Variants in OPN3 observed in about 807,000 individuals in gnomAD.
OPN3 encodes opsin-3.
A neutral mutation model predicts 33.8 loss-of-function variants in OPN3; 29 were observed. The observed-to-expected ratio is 0.86, with a 90% confidence interval of 0.64 to 1.17. The LOEUF (loss-of-function observed/expected upper bound fraction) is 1.17. Ranked by LOEUF, OPN3 falls within the 50% of genes most tolerant of loss-of-function variation. The probability of loss-of-function intolerance (pLI) is 0.00; values close to 1 mark genes in which losing one functional copy is unlikely to be tolerated. For missense variants in OPN3, 437 were observed against 514.1 expected (o/e 0.85, Z 1.45); for synonymous variants, 216 against 216.1 (o/e 1.00, Z 0.00).
At chr1:241,598,695 G>C (rs984128910) in intron 2 of OPN3, among the ~76,000 whole-genome samples, 1 of 152,150 alleles carries the variant, frequency 6.6e-6, no homozygotes, top group Non-Finnish European at 1.5e-5. Context: ...CAGCCTGAAA[G>C]TTCTTTGAGT....
intron 1 of OPN3, chr1:241,628,997 T>TC (rs1378104100): frequency 6.6e-6 from 1 of 152,668 alleles, no homozygotes; most frequent in African/African-American, 2.4e-5. Context: ...TTTTCACATG[T>TC]ATCAGTAAAC....
In OPN3 at chr1:241,640,147, G is replaced by A; in HGVS notation, c.108C>T (p.Phe36=). ...PAGTLSPAPL[F]SPGTYERLAL... is the part of the protein sequence containing the mutation. ...CCAGGCGCTCGTAGGTGCCGGGGCT[G>A]AAGAGGGGCGCGGGGCTCAGTGTCC... is the stretch of plus-strand genomic sequence containing the variant. Residue 36 remains phenylalanine (F), a synonymous_variant, in exon 1 of 4, where the codon TTC becomes TTT. Transcript: ENST00000366554. 5.1e-6 allele frequency: 8 copies of A among 1,556,304 alleles called. No individual in the cohort carries two copies. The South Asian group carries it at 9.4e-5, about 18-fold the overall frequency.
intron 1 of OPN3, among the ~76,000 whole-genome samples, chr1:241,605,753 A>G (rs1247812831): frequency 1.3e-5 from 2 of 152,254 alleles, no homozygotes; most frequent in Admixed American, 6.5e-5. Context: ...AGAAATATGT[A>G]CCAGAGCATG....
intron 1 of OPN3, chr1:241,634,772 G>A: frequency 3.1e-6 from 5 of 1,613,584 alleles, no homozygotes; most frequent in East Asian, 2.2e-5. Flanking sequence ...AAGGTTGGGA[G>A]TTAGTTTTTT....
chr1:241,597,788 G>A lies in OPN3; in HGVS notation c.903C>T (p.Asn301=), dbSNP rs952891043. ...SIVSYLFAKS[N]TVYNPVIYVF... The stretch of plus-strand genomic sequence containing the variant: ...CATAAATCACTGGATTGTATACAGT[G>A]TTCGATTTAGCAAAGAGGTACGAAA... Residue 301 remains asparagine, a synonymous_variant, in exon 3 of 4, where the codon AAC becomes AAT. Coordinates refer to ENST00000366554, the MANE Select transcript of OPN3 (RefSeq NM_014322.3). The A allele has an allele frequency of 6.2e-7, 1 of 1,613,796 alleles. No individual in the cohort carries two copies. The highest frequency in any genetic ancestry group is 8.5e-7 in the Non-Finnish European group (1 of 1,179,932).
intron 1 of OPN3, chr1:241,616,025 A>C: frequency 8.8e-6 from 4 of 453,562 alleles, no homozygotes; most frequent in South Asian, 6.2e-5. Flanking sequence ...GATTGCTTGC[A>C]CTCTCCTGTC....
chr1:241,632,701 G>A (rs529644656), intron 1 of OPN3: 1 of 152,164 alleles, frequency 6.6e-6, no homozygotes, highest in Admixed American at 6.5e-5. Flanking sequence ...CAACCGAAAG[G>A]GCATGGTAAA....
chr1:241,626,247 G>A (rs1664415169), intron 1 of OPN3, among the ~76,000 whole-genome samples: 1 of 152,164 alleles, frequency 6.6e-6, no homozygotes, highest in South Asian at 2.1e-4. Flanking sequence ...GGATGACATG[G>A]AAGAAAAGAG....
intron 1 of OPN3, among the ~76,000 whole-genome samples, chr1:241,638,841 G>C (rs1665002487): frequency 6.6e-6 from 1 of 152,098 alleles, no homozygotes; most frequent in Non-Finnish European, 1.5e-5. Context: ...AAATATTTTT[G>C]ATAATTCTAC....
At chr1:241,608,058 T>C (rs1338676754) in intron 1 of OPN3, among the ~76,000 whole-genome samples, 1 of 152,228 alleles carries the variant, frequency 6.6e-6, no homozygotes, top group Non-Finnish European at 1.5e-5. Flanking sequence ...TACTGTTGGT[T>C]TTACGTAGTT....
At chr1:241,601,348 G>T (rs1178997704) in intron 2 of OPN3, among the ~76,000 whole-genome samples, 2 of 147,536 alleles carry the variant, frequency 1.4e-5, no homozygotes, top group African/African-American at 2.5e-5. Flanking sequence ...TTTTAAAAAG[G>T]AGAACTAAGT....
intron 1 of OPN3, chr1:241,635,502 G>GA: frequency 1.2e-6 from 2 of 1,613,862 alleles, no homozygotes; most frequent in South Asian, 2.2e-5. Context: ...TTCTTGCGAA[G>GA]AGTGATGGCT....
intron 1 of OPN3, among the ~76,000 whole-genome samples, chr1:241,627,673 C>G (rs1462575521): frequency 6.6e-6 from 1 of 152,192 alleles, no homozygotes; most frequent in East Asian, 1.9e-4. Context: ...GCTGGAAGTA[C>G]TGTGCCCCCT....
intron 2 of OPN3, among the ~76,000 whole-genome samples, chr1:241,599,117 ATTCTT>A (rs1663615524): frequency 6.6e-6 from 1 of 152,034 alleles, no homozygotes; most frequent in Non-Finnish European, 1.5e-5. Context: ...AAGAAATTAT[ATTCTT>A]ATCAAAATCA....
intron 1 of OPN3, among the ~76,000 whole-genome samples, chr1:241,614,722 GC>G (rs1341163136): frequency 6.6e-6 from 1 of 152,124 alleles, no homozygotes; most frequent in Non-Finnish European, 1.5e-5. Flanking sequence ...CTAGCCTTAG[GC>G]TTTTCTGCCT....
intron 1 of OPN3, chr1:241,633,652 ATGTC>A (rs1664737944): frequency 1.2e-6 from 1 of 812,994 alleles, no homozygotes; most frequent in South Asian, 1.7e-5. Context: ...TCAATGCTGA[ATGTC>A]TGAGAGTTAA....
intron 1 of OPN3, among the ~76,000 whole-genome samples, chr1:241,613,745 TCAGGATGTGGAAACTG>T (rs2148008564): frequency 6.6e-6 from 1 of 152,326 alleles, no homozygotes; most frequent in African/African-American, 2.4e-5. Flanking sequence ...GTTTTCCACA[TCAGGATGTGGAAACTG>T]CATTCTATTA....
At chr1:241,603,004 G>A (rs1663716126) in intron 2 of OPN3, among the ~76,000 whole-genome samples, 1 of 152,214 alleles carries the variant, frequency 6.6e-6, no homozygotes, top group Admixed American at 6.5e-5. Context: ...GATAGCTAGA[G>A]GGAGCTGAGA....
chr1:241,605,052 T>A (rs1010614891), intron 1 of OPN3, among the ~76,000 whole-genome samples: 2 of 75,950 alleles, frequency 2.6e-5, no homozygotes, highest in Non-Finnish European at 5.0e-5. Flanking sequence ...CCAGACCTTA[T>A]CTCAAAAAAA....
Sources: gnomAD v4.1 joint callset for allele counts (sites outside exome capture counted in the v4.1 genomes callset) on GRCh38, gnomAD v4.1.1 for gene constraint, MANE v1.5 for transcripts, NCBI Gene and HGNC (gene_info 2026-07-23, HGNC 2026-07-21) for gene names.